The following PTPRC variants were observed in gnomAD, a reference collection of about 807,000 sequenced individuals.
PTPRC encodes protein tyrosine phosphatase receptor type C, also known as receptor-type tyrosine-protein phosphatase C.
In PTPRC, 44 loss-of-function variants were observed where a neutral mutation model predicts 155.9. The ratio of observed to expected loss-of-function variants is 0.28; its 90% CI spans 0.22 to 0.36. The LOEUF is 0.36. PTPRC is among the 10% of genes least tolerant of loss of function. PTPRC has a pLI of 1.00. For synonymous variants in PTPRC, 525 were observed against 533.1 expected (o/e 0.98, Z 0.21); for missense variants, 1,401 against 1,564.6 (o/e 0.90, Z 1.76).
chr1:198,731,865 T>A, intron 18 of PTPRC, 139 bp downstream of exon 18: 1 of 730,936 alleles, frequency 1.4e-6, no homozygotes, highest in Non-Finnish European at 2.4e-6. Flanking sequence ...TATTAGCAGA[T>A]CTCTATGAAC....
intron 26 of PTPRC, among the ~76,000 whole-genome samples, chr1:198,744,418 C>T (rs557415805): frequency 4.6e-5 from 7 of 151,934 alleles, no homozygotes; most frequent in African/African-American, 1.7e-4. Context: ...ACCCAGAAAT[C>T]TGATTCTATT....
At position 198,742,041 on chromosome 1, in the gene PTPRC, CAAAA is replaced by C; in HGVS notation, c.2561+24_2561+27del. 7.5e-7 allele frequency: 1 copy of C among 1,337,452 alleles called. No individual in the cohort carries two copies. Among genetic ancestry groups the C allele is most frequent in the Non-Finnish European group, 1.0e-6 (1 of 973,388 alleles). The allele number at this position is 1,337,452 out of a possible 1,614,324, so 82.8% of individuals were successfully genotyped here. On this transcript the variant is annotated intron_variant, in intron 24 of 32. Coordinates refer to ENST00000442510, the MANE Select transcript of PTPRC (RefSeq NM_002838.5). The stretch of plus-strand genomic sequence containing the variant: ...GTGCACTGCAGGTAGGAAAAACGAA[CAAAA>C]AAAAAAAACAACAACAAAAAAACTC...
At chr1:198,680,873 A>G (rs1000556816) in intron 2 of PTPRC, among the ~76,000 whole-genome samples, 1 of 152,174 alleles carries the variant, frequency 6.6e-6, no homozygotes, top group African/African-American at 2.4e-5. Flanking sequence ...AGTTAGGAGA[A>G]AATGCAGGAG....
intron 2 of PTPRC, among the ~76,000 whole-genome samples, chr1:198,670,637 TA>T (rs891558314): frequency 3.3e-5 from 5 of 151,984 alleles, no homozygotes; most frequent in African/African-American, 1.2e-4. Context: ...AGTTAGCAGA[TA>T]AAAAAAATAC....
intron 7 of PTPRC, among the ~76,000 whole-genome samples, chr1:198,704,215 G>A (rs746424669): frequency 2.0e-5 from 3 of 152,006 alleles, no homozygotes; most frequent in Non-Finnish European, 2.9e-5. Flanking sequence ...AATTAGATGC[G>A]TACCTAAAAG....
chr1:198,755,557 C>T (rs144884943), intron 32 of PTPRC, among the ~76,000 whole-genome samples: 31 of 152,112 alleles, frequency 2.0e-4, no homozygotes, highest in African/African-American at 7.5e-4. Context: ...AAACGCTTCT[C>T]GAAGCAGTGA....
At chr1:198,645,402 A>G (rs1571774224) in intron 2 of PTPRC, among the ~76,000 whole-genome samples, 1 of 151,822 alleles carries the variant, frequency 6.6e-6, no homozygotes, top group Non-Finnish European at 1.5e-5. Context: ...AGCATAATAG[A>G]AAATGAGGCA....
At chr1:198,722,048 G>A (rs1011110865) in intron 14 of PTPRC, among the ~76,000 whole-genome samples, 1 of 151,100 alleles carries the variant, frequency 6.6e-6, no homozygotes, top group Admixed American at 6.6e-5. Flanking sequence ...AACAGCTTAT[G>A]GTTGAATTTC....
chr1:198,735,125 A>G lies in PTPRC; in HGVS notation c.2278-2A>G. On this transcript the variant is annotated splice_acceptor_variant, in intron 22 of 32. Transcript: ENST00000442510. LOFTEE classifies it high-confidence loss of function. The stretch of plus-strand genomic sequence containing the variant: ...AATACTTAATAATTTTTTAAAATGT[A>G]GAACAAGTGTGCAGAATACTGGCCG... The G allele has an allele frequency of 6.3e-7, 1 of 1,592,194 alleles. No individual in the cohort carries two copies. Among genetic ancestry groups the G allele is most frequent in the Non-Finnish European group, 8.6e-7 (1 of 1,168,394 alleles).
At chr1:198,705,712 C>T (rs941346706) in intron 8 of PTPRC, among the ~76,000 whole-genome samples, 1 of 152,138 alleles carries the variant, frequency 6.6e-6, no homozygotes, top group Non-Finnish European at 1.5e-5. Context: ...TGATCCACCA[C>T]GCCTGGCCCA....
intron 2 of PTPRC, among the ~76,000 whole-genome samples, chr1:198,684,957 A>G (rs1173106201): frequency 6.6e-6 from 1 of 152,022 alleles, no homozygotes; most frequent in East Asian, 1.9e-4. Context: ...AGGGATGTTG[A>G]AATTCTTTGG....
At chr1:198,664,634 AACCGAAATAT>A (rs1194398475) in intron 2 of PTPRC, among the ~76,000 whole-genome samples, 5 of 152,316 alleles carry the variant, frequency 3.3e-5, no homozygotes, top group Non-Finnish European at 5.9e-5. Context: ...GGAAAACTCT[AACCGAAATAT>A]ACCAGGAACT....
At chr1:198,704,194 G>T (rs936286759) in intron 7 of PTPRC, among the ~76,000 whole-genome samples, 1 of 152,032 alleles carries the variant, frequency 6.6e-6, no homozygotes, top group Non-Finnish European at 1.5e-5. Flanking sequence ...CAGCCATGTT[G>T]CCATACCGCC....
intron 2 of PTPRC, among the ~76,000 whole-genome samples, chr1:198,671,913 A>T (rs1394604468): frequency 6.6e-6 from 1 of 152,156 alleles, no homozygotes; most frequent in Non-Finnish European, 1.5e-5. Context: ...TGGGCCACTC[A>T]CATTTCTGCA....
At chr1:198,732,608 T>C (rs1454193347) in intron 20 of PTPRC, 52 bp downstream of exon 20, 2 of 1,371,102 alleles carry the variant, frequency 1.5e-6, no homozygotes, top group Non-Finnish European at 2.1e-6. Flanking sequence ...TTCAGCTCCT[T>C]GTTTGTCTTG....
intron 2 of PTPRC, among the ~76,000 whole-genome samples, chr1:198,684,995 G>A (rs1472634572): frequency 1.3e-5 from 2 of 151,946 alleles, no homozygotes; most frequent in Non-Finnish European, 2.9e-5. Flanking sequence ...AAATTCATGT[G>A]CTTTAACTAG....
intron 15 of PTPRC, among the ~76,000 whole-genome samples, chr1:198,724,220 G>T (rs1654022770): frequency 6.6e-6 from 1 of 152,158 alleles, no homozygotes; most frequent in African/African-American, 2.4e-5. Context: ...AAATAATATA[G>T]TTTCTTTTAA....
chr1:198,658,215 A>G (rs1008378140), intron 2 of PTPRC, among the ~76,000 whole-genome samples: 1 of 152,158 alleles, frequency 6.6e-6, no homozygotes, highest in Non-Finnish European at 1.5e-5. Context: ...CTTTAAATAC[A>G]TATTTGTTGA....
chr1:198,672,414 G>C (rs996118857), intron 2 of PTPRC, among the ~76,000 whole-genome samples: 1 of 152,016 alleles, frequency 6.6e-6, no homozygotes, highest in Non-Finnish European at 1.5e-5. Context: ...TACTCTGTTC[G>C]AGTTCCTTTT....
Sources: allele counts gnomAD v4.1 joint callset (sites outside exome capture counted in the v4.1 genomes callset), GRCh38; gene constraint gnomAD v4.1.1; transcripts MANE v1.5; gene names NCBI Gene and HGNC (gene_info 2026-07-23, HGNC 2026-07-21).